The following FGGY variants were observed in gnomAD, a reference collection of about 807,000 sequenced individuals.
FGGY encodes FGGY carbohydrate kinase domain-containing protein.
A neutral mutation model predicts 71.3 loss-of-function variants in FGGY; 72 were observed. The ratio of observed to expected loss-of-function variants is 1.01; its 90% confidence interval spans 0.84 to 1.23. The LOEUF (loss-of-function observed/expected upper bound fraction) is 1.23. Among genes scored for constraint, FGGY ranks in the 50% most tolerant of loss-of-function variants. FGGY has a pLI of 0.00. For synonymous variants in FGGY, 251 were observed against 250.3 expected (o/e 1.00, Z -0.02); for missense variants, 668 against 682.3 (o/e 0.98, Z 0.23).
rs546357854 is a variant in FGGY, at chr1:59,348,870, A to T, written c.465+2472A>T. Among the ~76,000 whole-genome samples the T allele has an allele frequency of 3.3e-5, 5 of 152,304 alleles. No individual in the cohort carries two copies. In the South Asian group the frequency reaches 1.0e-3, roughly 32 times the overall value. ...TCTTAGGAGTCAGGAGTTTTCAAGA[A>T]TCTAATTCTGACTCTACTGTCAACA... On this transcript the variant is annotated intron_variant, in intron 4 of 15. Coordinates refer to ENST00000303721, the MANE Select transcript of FGGY (RefSeq NM_018291.5).
At chr1:59,531,262 T>C (rs895073405) in intron 7 of FGGY, among the ~76,000 whole-genome samples, 1 of 152,214 alleles carries the variant, frequency 6.6e-6, no homozygotes, top group African/African-American at 2.4e-5. Flanking sequence ...AGATTCATGC[T>C]TTTTCTTCTA....
chr1:59,520,755 C>T (rs1193611317), intron 7 of FGGY, among the ~76,000 whole-genome samples: 1 of 152,082 alleles, frequency 6.6e-6, no homozygotes, highest in South Asian at 2.1e-4. Context: ...GATTCCCATG[C>T]CCTACCCTGC....
At chr1:59,379,515 A>G (rs1362236348) in intron 5 of FGGY, among the ~76,000 whole-genome samples, 1 of 152,180 alleles carries the variant, frequency 6.6e-6, no homozygotes, top group East Asian at 1.9e-4. Flanking sequence ...AACTTGCAGG[A>G]CTAGAAGTTT....
At chr1:59,542,498 T>C (rs1371025076) in intron 7 of FGGY, among the ~76,000 whole-genome samples, 1 of 142,094 alleles carries the variant, frequency 7.0e-6, no homozygotes, top group Non-Finnish European at 1.5e-5. Flanking sequence ...TCACTCTTGT[T>C]GCCCAGGCTG....
intron 5 of FGGY, among the ~76,000 whole-genome samples, chr1:59,399,482 A>T (rs2061689461): frequency 6.6e-6 from 1 of 152,172 alleles, no homozygotes; most frequent in Non-Finnish European, 1.5e-5. Flanking sequence ...ATAGTAACAG[A>T]GTTAGATTAC....
chr1:59,580,556 C>A (rs955534153), intron 8 of FGGY, among the ~76,000 whole-genome samples: 1 of 152,098 alleles, frequency 6.6e-6, no homozygotes, highest in African/African-American at 2.4e-5. Flanking sequence ...AAGTTTGTAC[C>A]CTTAACCACT....
Position 59,762,203 on chromosome 1 carries a change from C to G in FGGY, c.1575-300C>G, listed in dbSNP as rs149392896. 5.6e-3 allele frequency among the ~76,000 whole-genome samples: 852 copies of G among 152,150 alleles called. 9 individuals are homozygous for G. The highest frequency in any genetic ancestry group is 0.019 in the African/African-American group (800 of 41,482). On this transcript the variant is annotated intron_variant, in intron 15 of 15. Coordinates refer to ENST00000303721, the MANE Select transcript of FGGY (RefSeq NM_018291.5). ...CCCCCGGGTTCAAGCAATTCTCCTG[C>G]CTCAGCCTCCTGAGTAGCTGGGATT...
At chr1:59,574,071 A>G (rs1304750054) in intron 8 of FGGY, among the ~76,000 whole-genome samples, 1 of 152,188 alleles carries the variant, frequency 6.6e-6, no homozygotes, top group Non-Finnish European at 1.5e-5. Flanking sequence ...CTGCTATTGT[A>G]GCAAGTTGCC....
intron 9 of FGGY, among the ~76,000 whole-genome samples, chr1:59,617,268 AAAAG>A (rs2096765216): frequency 6.6e-6 from 1 of 152,154 alleles, no homozygotes; most frequent in Admixed American, 6.6e-5. Flanking sequence ...ACAATAGAAA[AAAAG>A]AGAAGGAAAA....
At chr1:59,737,096 A>G (rs1330405658) in intron 14 of FGGY, among the ~76,000 whole-genome samples, 2 of 152,268 alleles carry the variant, frequency 1.3e-5, no homozygotes, top group Non-Finnish European at 1.5e-5. Flanking sequence ...CAGCTTCCAC[A>G]TGATGTTGAG....
chr1:59,555,528 A>T (rs1428511485), intron 8 of FGGY, among the ~76,000 whole-genome samples: 1 of 152,210 alleles, frequency 6.6e-6, no homozygotes, highest in Non-Finnish European at 1.5e-5. Flanking sequence ...GCTCACTCTT[A>T]ATCACTAGGA....
At chr1:59,650,270 T>A (rs2097144081) in intron 11 of FGGY, among the ~76,000 whole-genome samples, 1 of 144,644 alleles carries the variant, frequency 6.9e-6, no homozygotes, top group African/African-American at 2.9e-5. Context: ...CCTCATAAAA[T>A]GCGTTAGGGA....
chr1:59,583,708 C>T (rs765944646), intron 8 of FGGY, among the ~76,000 whole-genome samples: 1 of 142,132 alleles, frequency 7.0e-6, no homozygotes, highest in Non-Finnish European at 1.5e-5. Context: ...AGGCTAGTGC[C>T]CTGATCTGAG....
intron 8 of FGGY, among the ~76,000 whole-genome samples, chr1:59,593,765 A>G (rs973592669): frequency 3.3e-5 from 5 of 152,224 alleles, no homozygotes; most frequent in Admixed American, 6.5e-5. Context: ...GGAAACAAGG[A>G]CAAGCACAGT....
intron 11 of FGGY, among the ~76,000 whole-genome samples, chr1:59,645,663 C>T (rs1558656337): frequency 6.6e-6 from 1 of 152,130 alleles, no homozygotes; most frequent in Admixed American, 6.5e-5. Context: ...TTTCTATTCA[C>T]AAAAAATTGG....
At chr1:59,734,741 CT>C (rs1405261278) in intron 14 of FGGY, among the ~76,000 whole-genome samples, 3 of 152,198 alleles carry the variant, frequency 2.0e-5, no homozygotes, top group African/African-American at 7.2e-5. Context: ...GCCCTGGTCC[CT>C]CTGACTCTGA....
intron 11 of FGGY, among the ~76,000 whole-genome samples, chr1:59,638,849 T>C (rs2096989266): frequency 6.6e-6 from 1 of 152,230 alleles, no homozygotes; most frequent in Non-Finnish European, 1.5e-5. Context: ...TATAAGTAAA[T>C]GTAATTTATA....
chr1:59,433,244 A>AG (rs1344263338), intron 5 of FGGY, among the ~76,000 whole-genome samples: 1 of 152,186 alleles, frequency 6.6e-6, no homozygotes, highest in African/African-American at 2.4e-5. Flanking sequence ...CCCCACCCGC[A>AG]GCCAGATAAA....
intron 6 of FGGY, among the ~76,000 whole-genome samples, chr1:59,461,246 A>G (rs973195696): frequency 6.6e-6 from 1 of 152,220 alleles, no homozygotes; most frequent in African/African-American, 2.4e-5. Context: ...GGAGCTGAAA[A>G]CCATGGCACA....
Sources: gnomAD v4.1 joint callset for allele counts (sites outside exome capture counted in the v4.1 genomes callset) on GRCh38, gnomAD v4.1.1 for gene constraint, MANE v1.5 for transcripts, NCBI Gene and HGNC (gene_info 2026-07-23, HGNC 2026-07-21) for gene names.